TRPC4: variants seen among roughly 807,000 people sequenced by gnomAD.
TRPC4 encodes the protein transient receptor potential cation channel subfamily C member 4.
TRPC4 carries 49 observed loss-of-function variants against 99.4 expected under a neutral mutation model. The ratio of observed to expected loss-of-function variants is 0.49; its 90% CI spans 0.39 to 0.63. TRPC4 has a LOEUF of 0.63. Among genes scored for constraint, TRPC4 ranks in the 20% least tolerant of loss-of-function variants. The pLI is 0.00. For missense variants in TRPC4, 898 were observed against 1,152.9 expected, an observed-to-expected ratio of 0.78 and a Z score of 3.20; for synonymous variants, 454 against 425.9, an observed-to-expected ratio of 1.07 and a Z score of -0.81.
chr13:37,698,579 AT>A (rs1354039748), intron 3 of TRPC4, among the ~76,000 whole-genome samples: 1 of 152,114 alleles, frequency 6.6e-6, no homozygotes, highest in Non-Finnish European at 1.5e-5. Context: ...CAACAAGCAA[AT>A]TTAGCTCAGT....
chr13:37,754,891 A>G (rs1956057496), intron 2 of TRPC4, among the ~76,000 whole-genome samples: 1 of 152,152 alleles, frequency 6.6e-6, no homozygotes. Context: ...GTATCTACAT[A>G]TTTCACCTTG....
At chr13:37,839,116 A>G (rs768120861) in intron 1 of TRPC4, among the ~76,000 whole-genome samples, 15 of 152,198 alleles carry the variant, frequency 9.9e-5, no homozygotes, top group Admixed American at 4.6e-4. Flanking sequence ...AAGTAGTAGT[A>G]TTGATATTTT....
At chr13:37,669,239 C>T (rs985210689) in intron 5 of TRPC4, among the ~76,000 whole-genome samples, 3 of 152,040 alleles carry the variant, frequency 2.0e-5, no homozygotes, top group African/African-American at 7.2e-5. Flanking sequence ...ATCATTTCTG[C>T]CAAACTGTTG....
chr13:37,806,233 C>T (rs1344492182), intron 1 of TRPC4, among the ~76,000 whole-genome samples: 1 of 152,004 alleles, frequency 6.6e-6, no homozygotes, highest in East Asian at 1.9e-4. Flanking sequence ...GACTATCAAA[C>T]AATTAACAAT....
intron 3 of TRPC4, among the ~76,000 whole-genome samples, chr13:37,734,447 GAGA>G (rs1276281711): frequency 2.0e-5 from 3 of 152,104 alleles, no homozygotes; most frequent in East Asian, 1.9e-4. Flanking sequence ...TAGAGACAGA[GAGA>G]AGATCTCTGT....
At chr13:37,763,454 G>A (rs547244737) in intron 2 of TRPC4, among the ~76,000 whole-genome samples, 78 of 151,484 alleles carry the variant, frequency 5.1e-4, no homozygotes, top group Non-Finnish European at 8.4e-4. Flanking sequence ...TTGAAGAAAA[G>A]ATAGATAGAA....
intron 1 of TRPC4, among the ~76,000 whole-genome samples, chr13:37,805,435 C>A (rs909781317): frequency 6.6e-6 from 1 of 151,872 alleles, no homozygotes; most frequent in South Asian, 2.1e-4. Flanking sequence ...TAGTAACCTA[C>A]TCTTTTAAAT....
At chr13:37,678,196 C>T (rs973297700) in intron 4 of TRPC4, among the ~76,000 whole-genome samples, 7 of 151,784 alleles carry the variant, frequency 4.6e-5, no homozygotes, top group African/African-American at 1.7e-4. Flanking sequence ...GTGATTTCAC[C>T]TTCAATTAAG....
chr13:37,791,401 A>T (rs1265529362), intron 1 of TRPC4, among the ~76,000 whole-genome samples: 24 of 141,758 alleles, frequency 1.7e-4, no homozygotes, highest in South Asian at 2.2e-4. Context: ...GTCTCAATAA[A>T]AAAAAAAAAA....
intron 1 of TRPC4, among the ~76,000 whole-genome samples, chr13:37,803,087 T>C (rs557281292): frequency 6.6e-6 from 1 of 152,264 alleles, no homozygotes; most frequent in African/African-American, 2.4e-5. Flanking sequence ...AACTGTCTCA[T>C]CTTTGTCCAT....
rs941464391 is a variant in TRPC4, at chr13:37,783,124, T to A, written c.210A>T (p.Gly70=). ...CAATTGCAATGAGGAGAGCAGTTCT[T>A]CCGAGAGGATCAATGCAATTAATAT... ...KININCIDPL[G]RTALLIAIEN... The change falls in exon 2 of 11, where the codon GGA becomes GGT. Residue 70 remains glycine (G), a synonymous_variant. Coordinates refer to ENST00000379705, the MANE Select transcript of TRPC4 (RefSeq NM_016179.4). 3 of 1,613,336 alleles carry A rather than the reference T, an allele frequency of 1.9e-6. No homozygotes were observed. The African/African-American group carries it at 4.0e-5, about 22-fold the overall frequency.
intron 8 of TRPC4, among the ~76,000 whole-genome samples, chr13:37,639,888 A>G (rs781366101): frequency 1.3e-4 from 20 of 152,014 alleles, no homozygotes; most frequent in Non-Finnish European, 2.2e-4. Context: ...ATTAAATGTG[A>G]GTCCCAGCTC....
At chr13:37,852,617 A>G (rs1184103339) in intron 1 of TRPC4, among the ~76,000 whole-genome samples, 1 of 152,194 alleles carries the variant, frequency 6.6e-6, no homozygotes, top group East Asian at 1.9e-4. Flanking sequence ...CTTGCACCTT[A>G]GGTACCAGCT....
rs150767692 is a variant in TRPC4, at chr13:37,719,480, GA to G, written c.897+26456del. 5.5e-3 allele frequency among the ~76,000 whole-genome samples: 831 copies of G among 151,444 alleles called. 5 individuals carry two copies. The highest frequency in any genetic ancestry group is 0.021 in the Middle Eastern group (6 of 292). On this transcript the variant is annotated intron_variant, in intron 3 of 10. Transcript: ENST00000379705. ...TTCTGGTTTAAAGGAAATGATACTGGAAAAAAAACTCAAATCAGTAAGGAAT... is the reference window on the plus strand; with the variant it reads ...TTCTGGTTTAAAGGAAATGATACTGGAAAAAAACTCAAATCAGTAAGGAAT...
At chr13:37,682,618 G>A (rs1219840261) in intron 4 of TRPC4, among the ~76,000 whole-genome samples, 10 of 152,128 alleles carry the variant, frequency 6.6e-5, no homozygotes. Flanking sequence ...CCTACTAGGA[G>A]GCATCAGGAC....
intron 3 of TRPC4, among the ~76,000 whole-genome samples, chr13:37,721,779 T>G (rs1954878571): frequency 1.3e-5 from 2 of 152,138 alleles, no homozygotes; most frequent in Non-Finnish European, 2.9e-5. Context: ...TTATAGGCGA[T>G]TTTATTTATT....
intron 2 of TRPC4, among the ~76,000 whole-genome samples, chr13:37,781,851 T>C (rs1345891430): frequency 6.6e-6 from 1 of 151,988 alleles, no homozygotes; most frequent in African/African-American, 2.4e-5. Context: ...CACTCAGCTA[T>C]AAAGTTCTTT....
At chr13:37,670,781 C>G (rs1314079549) in intron 5 of TRPC4, among the ~76,000 whole-genome samples, 1 of 152,128 alleles carries the variant, frequency 6.6e-6, no homozygotes, top group South Asian at 2.1e-4. Flanking sequence ...CTTCTCCCTG[C>G]CCACATTTTT....
chr13:37,714,458 C>T lies in TRPC4; in HGVS notation c.898-22123G>A, dbSNP rs139286172. Among the ~76,000 whole-genome samples the T allele has an allele frequency of 9.9e-5, 15 of 152,238 alleles. No homozygotes were observed. The East Asian group carries it at 2.9e-3, about 29-fold the overall frequency. ...TTATCTGACATATTTCAGTTACTTG[C>T]CCCACTCTATTCTAAACACAACATC... is the stretch of plus-strand genomic sequence containing the variant. On this transcript the variant is annotated intron_variant, in intron 3 of 10. Transcript: ENST00000379705.
Sources: allele counts gnomAD v4.1 joint callset (sites outside exome capture counted in the v4.1 genomes callset), GRCh38; gene constraint gnomAD v4.1.1; transcripts MANE v1.5; gene names NCBI Gene and HGNC (gene_info 2026-07-23, HGNC 2026-07-21).